EAF2: variants seen among roughly 807,000 people sequenced by gnomAD.
EAF2 encodes the protein ELL associated factor 2, also known as ELL-associated factor 2.
A neutral mutation model predicts 29.4 loss-of-function variants in EAF2; 29 were observed. The ratio of observed to expected loss-of-function variants is 0.99; its 90% CI spans 0.73 to 1.35. The LOEUF is 1.35. Among genes scored for constraint, EAF2 ranks in the 40% most tolerant of loss-of-function variants. The probability of loss-of-function intolerance (pLI) is 0.00; values close to 1 mark genes in which losing one functional copy is unlikely to be tolerated. For synonymous variants in EAF2, 103 were observed against 102.5 expected, an observed-to-expected ratio of 1.00 and a Z score of -0.03; for missense variants, 292 against 312.0, an observed-to-expected ratio of 0.94 and a Z score of 0.48.
intron 1 of EAF2, among the ~76,000 whole-genome samples, chr3:121,838,474 G>T (rs1031838145): frequency 3.3e-5 from 5 of 152,154 alleles, no homozygotes; most frequent in African/African-American, 1.2e-4. Context: ...AAAAAAGTGT[G>T]TGAGGACAAA....
chr3:121,862,901 G>A (rs568867991), intron 4 of EAF2, among the ~76,000 whole-genome samples: 14 of 152,276 alleles, frequency 9.2e-5, no homozygotes, highest in African/African-American at 3.4e-4. Context: ...CTGTTTGTTA[G>A]TTTTCCTTCT....
intron 5 of EAF2, among the ~76,000 whole-genome samples, chr3:121,877,872 C>T (rs1709128014): frequency 1.3e-5 from 2 of 152,170 alleles, no homozygotes; most frequent in Admixed American, 1.3e-4. Flanking sequence ...GCCTCGAACT[C>T]AGGGGCTCAA....
chr3:121,857,035 G>GT lies in EAF2; in HGVS notation c.364dup (p.Tyr122LeufsTer3). ...GAGTTGAAGGAAGCAGTAAAATTCA[G>GT]TATCGTAAAGAACAACAGCAACAAC... On this transcript the variant is annotated frameshift_variant, in exon 4 of 6. Transcript: ENST00000273668. LOFTEE classifies it high-confidence loss of function. 6.2e-7 allele frequency: 1 copy of GT among 1,613,204 alleles called. No individual in the cohort carries two copies. Among genetic ancestry groups the GT allele is most frequent in the Non-Finnish European group, 8.5e-7 (1 of 1,179,740 alleles).
At chr3:121,872,954 A>T in intron 5 of EAF2, 166 bp downstream of exon 5, 1 of 1,092,104 alleles carries the variant, frequency 9.2e-7, no homozygotes, top group Non-Finnish European at 1.3e-6. Flanking sequence ...AATCTGTGAC[A>T]TAATGCCTTC....
intron 1 of EAF2, chr3:121,836,639 A>C (rs942682337): frequency 4.0e-6 from 4 of 987,766 alleles, no homozygotes; most frequent in Non-Finnish European, 4.8e-6. Context: ...ATACTTTCTC[A>C]TCCAGAGCTC....
At chr3:121,880,078 C>A (rs1709167402) in intron 5 of EAF2, among the ~76,000 whole-genome samples, 4 of 151,942 alleles carry the variant, frequency 2.6e-5, no homozygotes, top group Admixed American at 2.6e-4. Flanking sequence ...TATAGTCTTC[C>A]TTGTGAAGCT....
chr3:121,843,072 A>G (rs1017742517), intron 1 of EAF2, among the ~76,000 whole-genome samples: 1 of 152,350 alleles, frequency 6.6e-6, no homozygotes, highest in Non-Finnish European at 1.5e-5. Flanking sequence ...AGAATATATT[A>G]TAAAAATACT....
intron 2 of EAF2, among the ~76,000 whole-genome samples, chr3:121,850,179 G>A (rs1708605686): frequency 1.3e-5 from 2 of 151,544 alleles, no homozygotes; most frequent in African/African-American, 4.8e-5. Flanking sequence ...TTTATTGGGA[G>A]AATACTGTCT....
chr3:121,864,897 G>T (rs1708896876), intron 4 of EAF2, among the ~76,000 whole-genome samples: 1 of 152,078 alleles, frequency 6.6e-6, no homozygotes, highest in Admixed American at 6.5e-5. Flanking sequence ...AGCAGCATAT[G>T]TTGTATCATC....
chr3:121,836,036 T>A (rs1297632015), intron 1 of EAF2, among the ~76,000 whole-genome samples: 2 of 152,240 alleles, frequency 1.3e-5, no homozygotes, highest in African/African-American at 4.8e-5. Context: ...CCTCTGGAAC[T>A]AGTTTTAATA....
intron 4 of EAF2, among the ~76,000 whole-genome samples, chr3:121,870,641 C>T (rs1708995050): frequency 6.6e-6 from 1 of 152,024 alleles, no homozygotes; most frequent in South Asian, 2.1e-4. Context: ...AAAATATTCA[C>T]AAATGCCAAA....
intron 4 of EAF2, among the ~76,000 whole-genome samples, chr3:121,860,000 C>T (rs115942370): frequency 0.029 from 4,368 of 152,268 alleles, 90 homozygotes; most frequent in Middle Eastern, 0.044. Flanking sequence ...GTTGAACCAG[C>T]CTTGTATCCC....
intron 4 of EAF2, among the ~76,000 whole-genome samples, chr3:121,871,274 A>G (rs1257443166): frequency 2.0e-5 from 3 of 151,794 alleles, no homozygotes; most frequent in African/African-American, 7.3e-5. Context: ...AAGAAGGCAG[A>G]CCAAAAAGTA....
chr3:121,868,775 G>T (rs1708965357), intron 4 of EAF2, among the ~76,000 whole-genome samples: 1 of 152,092 alleles, frequency 6.6e-6, no homozygotes, highest in African/African-American at 2.4e-5. Flanking sequence ...ATTATGCCTG[G>T]GTATTTCAAC....
intron 4 of EAF2, among the ~76,000 whole-genome samples, chr3:121,870,582 AC>A (rs1360911056): frequency 6.6e-6 from 1 of 152,172 alleles, no homozygotes; most frequent in Non-Finnish European, 1.5e-5. Flanking sequence ...CTCAAGAGAC[AC>A]CATTAATGAA....
intron 4 of EAF2, among the ~76,000 whole-genome samples, chr3:121,860,563 T>C (rs917264893): frequency 9.2e-5 from 14 of 152,178 alleles, no homozygotes; most frequent in South Asian, 2.1e-4. Context: ...TCTCTCTTTT[T>C]TTCTTTATTA....
At chr3:121,862,790 T>G (rs1451983484) in intron 4 of EAF2, among the ~76,000 whole-genome samples, 3 of 152,226 alleles carry the variant, frequency 2.0e-5, no homozygotes, top group Admixed American at 1.3e-4. Flanking sequence ...CTGCTCTGGT[T>G]TCTCCCCATC....
At chr3:121,836,713 A>C (rs922322844) in intron 1 of EAF2, 1 of 987,618 alleles carries the variant, frequency 1.0e-6, no homozygotes, top group African/African-American at 1.7e-5. Context: ...ATTTTCCGGA[A>C]GTGTGATATG....
Position 121,843,490 on chromosome 3 carries a change from G to C in EAF2, c.107-963G>C, listed in dbSNP as rs572542323. Among the ~76,000 whole-genome samples the C allele has an allele frequency of 6.6e-5, 10 of 152,162 alleles. No homozygotes were observed. In the South Asian group the frequency reaches 1.9e-3, roughly 28 times the overall value. ...TGGTAATGTTCTATTTCTTGATTTGGTTGGTGGTTACATGTGTCACTGTGT... is the reference window on the plus strand; with the variant it reads ...TGGTAATGTTCTATTTCTTGATTTGCTTGGTGGTTACATGTGTCACTGTGT... On this transcript the variant is annotated intron_variant, in intron 1 of 5. Transcript: ENST00000273668.
Sources: allele counts gnomAD v4.1 joint callset (sites outside exome capture counted in the v4.1 genomes callset), GRCh38; gene constraint gnomAD v4.1.1; transcripts MANE v1.5; gene names NCBI Gene and HGNC (gene_info 2026-07-23, HGNC 2026-07-21).